HS3ST5: variants seen among roughly 807,000 people sequenced by gnomAD.
The protein encoded by HS3ST5 is heparan sulfate-glucosamine 3-sulfotransferase 5, also known as heparan sulfate glucosamine 3-O-sulfotransferase 5.
Under a neutral mutation model 25.4 loss-of-function variants are expected in HS3ST5, and 10 were observed. The ratio of observed to expected loss-of-function variants is 0.39; its 90% confidence interval spans 0.24 to 0.67. The LOEUF (loss-of-function observed/expected upper bound fraction) is 0.67. Ranked by LOEUF, HS3ST5 falls within the 30% of genes least tolerant of loss-of-function variation. HS3ST5 has a pLI of 0.44. For missense variants in HS3ST5, 324 were observed against 420.7 expected (o/e 0.77, Z 2.01); for synonymous variants, 170 against 162.4 (o/e 1.05, Z -0.36).
chr6:114,143,380 A>G (rs1000318604), intron 3 of HS3ST5, among the ~76,000 whole-genome samples: 2 of 152,202 alleles, frequency 1.3e-5, no homozygotes, highest in Non-Finnish European at 2.9e-5. Context: ...GTGGGAGATC[A>G]CTATATATAA....
In HS3ST5 at chr6:114,092,539, A is replaced by G. The variant is rs144241449; in HGVS notation, c.-32-29662T>C. The stretch of plus-strand genomic sequence containing the variant: ...TTAGAGAAAGTCATGCAGACCTTAT[A>G]AAAGGATAGCTACAAGTTGGCAGCC... On this transcript the variant is annotated intron_variant, in intron 3 of 4. Coordinates refer to ENST00000312719, the MANE Select transcript of HS3ST5 (RefSeq NM_153612.4). Among the ~76,000 whole-genome samples the G allele has an allele frequency of 1.5e-4, 23 of 152,340 alleles. No homozygotes were observed. In the East Asian group the frequency reaches 3.3e-3, roughly 22 times the overall value.
At chr6:114,289,782 A>T (rs1240457361) in intron 1 of HS3ST5, among the ~76,000 whole-genome samples, 2 of 152,190 alleles carry the variant, frequency 1.3e-5, no homozygotes, top group African/African-American at 2.4e-5. Flanking sequence ...AGGGACAGAT[A>T]GAGCTGAACT....
chr6:114,292,293 G>A (rs115835546), intron 1 of HS3ST5, among the ~76,000 whole-genome samples: 1,941 of 152,220 alleles, frequency 0.013, 52 homozygotes, highest in African/African-American at 0.044. Context: ...AGACTGTGGC[G>A]TCTGGTGTGG....
chr6:114,342,961 C>G lies in HS3ST5; in HGVS notation c.-1105G>C, dbSNP rs1776953668. 1 of 152,424 alleles carries G rather than the reference C, an allele frequency of 6.6e-6. No homozygotes were observed. Among genetic ancestry groups the G allele is most frequent in the Admixed American group, 6.5e-5 (1 of 15,290 alleles). The allele number at this position is 152,424 out of a possible 1,614,324, so 9.4% of individuals were successfully genotyped here. A position where few individuals can be genotyped will look rare whatever the true frequency, so the allele number is the denominator to read the frequency against. On this transcript the variant is annotated 5_prime_UTR_variant, in exon 1 of 5. Coordinates refer to ENST00000312719, the MANE Select transcript of HS3ST5 (RefSeq NM_153612.4). ...TGCGCGTGTGTGTGTCTAAGCGAAT[C>G]TCTTCCCCTCCATCACTTGGGCGCG...
In HS3ST5 at chr6:114,056,247, G is replaced by A. The variant is rs562428333; in HGVS notation, c.*1010C>T. On this transcript the variant is annotated 3_prime_UTR_variant, in exon 5 of 5. Transcript: ENST00000312719. Reference sequence around the variant, plus strand: ...TAGCAGAGCAGCACTAGGGTTCTTTGAGGTGGCTATTATACTTGATTTCCA... The same window carrying A: ...TAGCAGAGCAGCACTAGGGTTCTTTAAGGTGGCTATTATACTTGATTTCCA... 1.4e-4 allele frequency: 21 copies of A among 152,244 alleles called. No homozygotes were observed. Among genetic ancestry groups the A allele is most frequent in the African/African-American group, 5.1e-4 (21 of 41,542 alleles). 9.4% of individuals were successfully genotyped at this position (152,244 alleles called of 1,614,324 possible).
intron 1 of HS3ST5, among the ~76,000 whole-genome samples, chr6:114,321,144 G>A (rs558238632): frequency 1.3e-5 from 2 of 151,984 alleles, no homozygotes; most frequent in East Asian, 1.9e-4. Flanking sequence ...ACTACTATAA[G>A]CCTCTTTATA....
chr6:114,171,714 CCA>C (rs1779481573), intron 2 of HS3ST5, among the ~76,000 whole-genome samples: 1 of 152,146 alleles, frequency 6.6e-6, no homozygotes, highest in African/African-American at 2.4e-5. Flanking sequence ...AAGCCTAAAT[CCA>C]CAGTGCTGCC....
At chr6:114,220,103 T>C (rs935788249) in intron 2 of HS3ST5, among the ~76,000 whole-genome samples, 10 of 152,056 alleles carry the variant, frequency 6.6e-5, no homozygotes, top group Admixed American at 1.3e-4. Context: ...TAATAAATGG[T>C]ATGCCTGGAA....
At chr6:114,233,652 T>A (rs550004298) in intron 1 of HS3ST5, among the ~76,000 whole-genome samples, 1 of 152,182 alleles carries the variant, frequency 6.6e-6, no homozygotes, top group African/African-American at 2.4e-5. Flanking sequence ...TATATTTCTC[T>A]TTAGACATCA....
intron 1 of HS3ST5, among the ~76,000 whole-genome samples, chr6:114,320,494 C>T (rs1775920359): frequency 6.6e-6 from 1 of 152,086 alleles, no homozygotes; most frequent in African/African-American, 2.4e-5. Flanking sequence ...ACCTCACTCC[C>T]ATATTAATTC....
In HS3ST5 at chr6:114,212,578, T is replaced by C. The variant is rs558270788; in HGVS notation, c.-145+16007A>G. Among the ~76,000 whole-genome samples, 5 of 152,362 alleles carry C rather than the reference T, an allele frequency of 3.3e-5. No homozygotes were observed. The South Asian group carries it at 6.2e-4, about 19-fold the overall frequency. ...TATATTTAGATAATTCCCAGTATTA[T>C]TTAGCATTTTAATAGTCCTCTTTTT... On this transcript the variant is annotated intron_variant, in intron 2 of 4. Transcript: ENST00000312719.
rs112431205 is a variant in HS3ST5, at chr6:114,135,397, A to C, written c.-33+32954T>G. Among the ~76,000 whole-genome samples the C allele has an allele frequency of 8.0e-4, 121 of 152,032 alleles. 4 individuals carry two copies. The highest frequency in any genetic ancestry group is 2.8e-3 in the African/African-American group (115 of 41,464). ...AGGAAGAAGGGGTGATGACCTTAGC[A>C]CTCCCCAGGCAGGGAAAAAACCAAG... On this transcript the variant is annotated intron_variant, in intron 3 of 4. Coordinates refer to ENST00000312719, the MANE Select transcript of HS3ST5 (RefSeq NM_153612.4).
intron 3 of HS3ST5, among the ~76,000 whole-genome samples, chr6:114,115,055 C>T (rs748365589): frequency 6.6e-6 from 1 of 152,062 alleles, no homozygotes; most frequent in Non-Finnish European, 1.5e-5. Flanking sequence ...TGTGGAATCT[C>T]AGTAATTCCC....
chr6:114,134,343 C>T (rs576176487), intron 3 of HS3ST5, among the ~76,000 whole-genome samples: 1 of 152,162 alleles, frequency 6.6e-6, no homozygotes, highest in Non-Finnish European at 1.5e-5. Flanking sequence ...CAAGGTTGCA[C>T]TGCTGGCTTG....
chr6:114,333,729 T>C (rs561554741), intron 1 of HS3ST5, among the ~76,000 whole-genome samples: 8 of 152,178 alleles, frequency 5.3e-5, no homozygotes, highest in African/African-American at 1.9e-4. Flanking sequence ...CACTGCAAGC[T>C]CCGTCTCCCG....
At chr6:114,275,987 T>C (rs1035127117) in intron 1 of HS3ST5, among the ~76,000 whole-genome samples, 4 of 151,998 alleles carry the variant, frequency 2.6e-5, no homozygotes, top group Non-Finnish European at 5.9e-5. Context: ...CCTTTCCCAT[T>C]TCCATGCCCC....
chr6:114,278,576 A>T (rs567779114), intron 1 of HS3ST5, among the ~76,000 whole-genome samples: 1 of 151,946 alleles, frequency 6.6e-6, no homozygotes, highest in East Asian at 2.0e-4. Context: ...GGGACCATGA[A>T]CTCATAATAA....
At chr6:114,256,479 C>A (rs1772930407) in intron 1 of HS3ST5, among the ~76,000 whole-genome samples, 1 of 152,048 alleles carries the variant, frequency 6.6e-6, no homozygotes, top group South Asian at 2.1e-4. Context: ...TTAGAAATTT[C>A]TTCTGACAGA....
chr6:114,175,706 T>A (rs563458179), intron 2 of HS3ST5, among the ~76,000 whole-genome samples: 1 of 152,178 alleles, frequency 6.6e-6, no homozygotes, highest in Non-Finnish European at 1.5e-5. Context: ...GCCACAGCAG[T>A]ATTTTTCTTA....
Sources: gnomAD v4.1 joint callset for allele counts (sites outside exome capture counted in the v4.1 genomes callset) on GRCh38, gnomAD v4.1.1 for gene constraint, MANE v1.5 for transcripts, NCBI Gene and HGNC (gene_info 2026-07-23, HGNC 2026-07-21) for gene names.